Variants in PDXDC1 observed in about 807,000 individuals in gnomAD.
PDXDC1 encodes the protein pyridoxal-dependent decarboxylase domain-containing protein 1.
PDXDC1 carries 42 observed loss-of-function variants against 100.1 expected under a neutral mutation model. The ratio of observed to expected loss-of-function variants is 0.42; its 90% confidence interval spans 0.33 to 0.54. The LOEUF (loss-of-function observed/expected upper bound fraction) is 0.54, where lower values mean the gene tolerates loss of function less well. PDXDC1 is among the 20% of genes least tolerant of loss of function. The pLI, the probability that PDXDC1 is intolerant of heterozygous loss-of-function variation, is 0.10. For missense variants in PDXDC1, 636 were observed against 979.2 expected (o/e 0.65, Z 4.68); for synonymous variants, 260 against 371.7 (o/e 0.70, Z 3.46).
intron 4 of PDXDC1, among the ~76,000 whole-genome samples, chr16:15,003,213 A>G (rs1405366833): frequency 6.8e-6 from 1 of 146,644 alleles, no homozygotes; most frequent in Non-Finnish European, 1.5e-5. Flanking sequence ...CTGAGATTTA[A>G]TTCTTTTTTT....
chr16:15,122,057 A>C (rs2047447374), intron 16 of PDXDC1, among the ~76,000 whole-genome samples: 1 of 151,614 alleles, frequency 6.6e-6, no homozygotes, highest in African/African-American at 2.4e-5. Context: ...TGAGCTACTC[A>C]GGAGGCTGAG....
At chr16:15,090,877 T>G (rs550371687) in intron 16 of PDXDC1, among the ~76,000 whole-genome samples, 17 of 151,676 alleles carry the variant, frequency 1.1e-4, no homozygotes, top group South Asian at 4.2e-4. Context: ...TGGTTTGTTT[T>G]TTTTTTTTTT....
chr16:15,110,159 AAAG>A (rs2046984745), intron 16 of PDXDC1, among the ~76,000 whole-genome samples: 1 of 150,214 alleles, frequency 6.7e-6, no homozygotes, highest in African/African-American at 2.4e-5. Context: ...AAAAAAAAAA[AAAG>A]AGAGAGAGAG....
chr16:15,035,954 C>T (rs1232779260), intron 22 of PDXDC1, 62 bp from the exon 23 acceptor site: 2 of 1,494,810 alleles, frequency 1.3e-6, no homozygotes, highest in African/African-American at 1.4e-5. Flanking sequence ...GTTGCAGAGA[C>T]AGCCTGTGTT....
chr16:15,109,570 T>A (rs1480167331), intron 16 of PDXDC1, among the ~76,000 whole-genome samples: 1 of 132,974 alleles, frequency 7.5e-6, no homozygotes, highest in East Asian at 2.2e-4. Flanking sequence ...GGGATAAGAA[T>A]CGTTTGAACC....
At chr16:15,030,142 A>G (rs2042948990) in intron 16 of PDXDC1, 86 bp downstream of exon 16, 4 of 1,125,712 alleles carry the variant, frequency 3.6e-6, no homozygotes, top group East Asian at 5.3e-5. Flanking sequence ...CCATTCTCCT[A>G]GAGTTATTAG....
chr16:15,024,438 A>C (rs1168219965), intron 13 of PDXDC1, among the ~76,000 whole-genome samples: 1 of 135,510 alleles, frequency 7.4e-6, no homozygotes, highest in Non-Finnish European at 1.5e-5. Flanking sequence ...ACAGAGTCTC[A>C]CTATGTAGCC....
intron 15 of PDXDC1, 24 bp from the exon 16 acceptor site, chr16:15,029,927 G>T (rs954294466): frequency 3.9e-6 from 6 of 1,542,678 alleles, no homozygotes; most frequent in African/African-American, 1.4e-5. Flanking sequence ...TTACAGGAGG[G>T]TGTTCATTGT....
chr16:14,989,905 C>A, intron 1 of PDXDC1: 1 of 1,530,994 alleles, frequency 6.5e-7, no homozygotes, highest in Non-Finnish European at 8.7e-7. Flanking sequence ...ACTCCAGGGC[C>A]CAGCGGTACC....
chr16:15,018,579 A>C (rs1014896219), intron 11 of PDXDC1, among the ~76,000 whole-genome samples: 15 of 152,374 alleles, frequency 9.8e-5, no homozygotes, highest in African/African-American at 3.4e-4. Flanking sequence ...AGGTTCTGGG[A>C]TGTGACCCAT....
chr16:15,139,773 C>T (rs1384148417), downstream of PDXDC1, among the ~76,000 whole-genome samples: 12 of 151,886 alleles, frequency 7.9e-5, no homozygotes, highest in Admixed American at 7.9e-4. Context: ...AGAGCAAGAC[C>T]CGGTCTCGAA....
At chr16:14,992,406 A>G (rs201183965) in intron 1 of PDXDC1, among the ~76,000 whole-genome samples, 436 of 152,394 alleles carry the variant, frequency 2.9e-3, no homozygotes, top group African/African-American at 8.4e-3. Context: ...CAAACTGTTT[A>G]TCATTTGGCT....
chr16:15,147,935 T>C, the PDXDC1 span, among the ~76,000 whole-genome samples: 5 of 152,026 alleles, frequency 3.3e-5, no homozygotes, highest in Non-Finnish European at 5.9e-5. Flanking sequence ...TCCCCCCACC[T>C]TGGCCTCCCA....
chr16:15,066,706 A>C (rs2044991819), intron 16 of PDXDC1, among the ~76,000 whole-genome samples: 1 of 151,616 alleles, frequency 6.6e-6, no homozygotes, highest in African/African-American at 2.4e-5. Context: ...AGATTCCCAG[A>C]ACATAACACA....
chr16:15,147,584 T>A, the PDXDC1 span, among the ~76,000 whole-genome samples: 1 of 152,184 alleles, frequency 6.6e-6, no homozygotes, highest in Non-Finnish European at 1.5e-5. Context: ...TGGAGTGCAA[T>A]GGTGCAATCT....
At chr16:15,132,447 A>G (rs2048149399) in intron 16 of PDXDC1, among the ~76,000 whole-genome samples, 3 of 130,826 alleles carry the variant, frequency 2.3e-5, no homozygotes, top group Non-Finnish European at 3.3e-5. Context: ...AGGGGAGGGG[A>G]GAGTGGAAGG....
At chr16:14,981,544 A>C (rs1330554128) in intron 1 of PDXDC1, among the ~76,000 whole-genome samples, 6 of 152,296 alleles carry the variant, frequency 3.9e-5, no homozygotes, top group Non-Finnish European at 7.3e-5. Flanking sequence ...TAAAGTTTTT[A>C]GAAATAGAGC....
intron 3 of PDXDC1, among the ~76,000 whole-genome samples, chr16:14,999,748 G>T (rs1972754382): frequency 6.6e-6 from 1 of 152,264 alleles, no homozygotes; most frequent in Admixed American, 6.5e-5. Flanking sequence ...TGTCATGTTT[G>T]AGTAGGAGGA....
At chr16:14,991,773 T>C (rs1351541070) in intron 1 of PDXDC1, among the ~76,000 whole-genome samples, 2 of 152,234 alleles carry the variant, frequency 1.3e-5, no homozygotes, top group Admixed American at 1.3e-4. Context: ...CCTCCTTCCT[T>C]GACCTCTCAA....
Sources: allele counts gnomAD v4.1 joint callset (sites outside exome capture counted in the v4.1 genomes callset), GRCh38; gene constraint gnomAD v4.1.1; transcripts MANE v1.5; gene names NCBI Gene and HGNC (gene_info 2026-07-23, HGNC 2026-07-21).